TRUB1: variants seen among roughly 807,000 people sequenced by gnomAD.
TRUB1 encodes pseudouridylate synthase TRUB1.
A neutral mutation model predicts 33.9 loss-of-function variants in TRUB1; 23 were observed. The ratio of observed to expected loss-of-function variants is 0.68; its 90% CI spans 0.49 to 0.96. The LOEUF (loss-of-function observed/expected upper bound fraction) is 0.96. Among genes scored for constraint, TRUB1 ranks in the 40% least tolerant of loss-of-function variants. The pLI, the probability that TRUB1 is intolerant of heterozygous loss-of-function variation, is 0.00. For synonymous variants in TRUB1, 163 were observed against 165.4 expected, an observed-to-expected ratio of 0.99 and a Z score of 0.11; for missense variants, 378 against 422.2, an observed-to-expected ratio of 0.90 and a Z score of 0.92.
chr10:114,963,542 A>G (rs1268688831), intron 4 of TRUB1, among the ~76,000 whole-genome samples: 2 of 152,378 alleles, frequency 1.3e-5, no homozygotes, highest in South Asian at 2.1e-4. Context: ...GTAGCTAGCT[A>G]TCACCCTTAG....
intron 2 of TRUB1, among the ~76,000 whole-genome samples, chr10:114,945,738 C>T (rs553280047): frequency 2.0e-5 from 3 of 152,214 alleles, no homozygotes; most frequent in Admixed American, 2.0e-4. Flanking sequence ...TGGCCCAAGA[C>T]AATTCTTCTT....
At position 114,975,627 on chromosome 10, in the gene TRUB1, A is replaced by C. The variant is rs2084357272; in HGVS notation, c.*248A>C. 1 of 300,416 alleles carries C rather than the reference A, an allele frequency of 3.3e-6. No individual in the cohort carries two copies. Among genetic ancestry groups the C allele is most frequent in the Non-Finnish European group, 6.1e-6 (1 of 163,326 alleles). The allele number at this position is 300,416 out of a possible 1,614,324, so 18.6% of individuals were successfully genotyped here. ...GGATTTTTTGTATTGTGAAAATATG[A>C]ATATGATTGGATTCAGAAAAATTAA... On this transcript the variant is annotated 3_prime_UTR_variant, in exon 8 of 8. Coordinates refer to ENST00000298746, the MANE Select transcript of TRUB1 (RefSeq NM_139169.5).
chr10:114,943,956 A>C (rs2084200423), intron 2 of TRUB1, among the ~76,000 whole-genome samples: 1 of 150,382 alleles, frequency 6.6e-6, no homozygotes, highest in East Asian at 2.0e-4. Flanking sequence ...AATTGGTAGA[A>C]TTGATCGAAG....
At position 114,959,736 on chromosome 10, in the gene TRUB1, C is replaced by A; in HGVS notation, c.452C>A (p.Ala151Asp). ...SMLSGSKRYTAIGELGKATDT... is the reference protein window; with the variant it reads ...SMLSGSKRYTDIGELGKATDT... Reference sequence around the variant, plus strand: ...TTTCCCTTCCTCTAGAGATATACTGCCATTGGAGAACTGGGGAAAGCTACT... The same window carrying A: ...TTTCCCTTCCTCTAGAGATATACTGACATTGGAGAACTGGGGAAAGCTACT... Residue 151 changes from alanine (A) to aspartate (D), a missense_variant, in exon 4 of 8, where the codon GCC becomes GAC. Transcript: ENST00000298746. 1 of 1,606,234 alleles carries A rather than the reference C, an allele frequency of 6.2e-7. No homozygotes were observed. The highest frequency in any genetic ancestry group is 8.5e-7 in the Non-Finnish European group (1 of 1,173,006).
intron 2 of TRUB1, among the ~76,000 whole-genome samples, chr10:114,949,235 C>T (rs1474120322): frequency 6.6e-6 from 1 of 152,146 alleles, no homozygotes; most frequent in Non-Finnish European, 1.5e-5. Flanking sequence ...AAGTATTCCT[C>T]TTGGGATTAT....
In TRUB1 at chr10:114,976,235, T is replaced by TTA. The variant is rs10674304; in HGVS notation, c.*857_*858insAT. 0.46 allele frequency: 70,250 copies of TTA among 152,034 alleles called. 19,077 individuals are homozygous for TTA. The highest frequency in any genetic ancestry group is 0.75 in the African/African-American group (31,217 of 41,396). 9.4% of individuals were successfully genotyped at this position (152,034 alleles called of 1,614,324 possible). A position where few individuals can be genotyped will look rare whatever the true frequency, so the allele number is the denominator to read the frequency against. Reference sequence around the variant, plus strand: ...TTTATTTATATTTCTCTGTAGGGTGTTCCCTGTGACATTGTCTCTTTAGTT... The same window carrying TTA: ...TTTATTTATATTTCTCTGTAGGGTGTTATCCCTGTGACATTGTCTCTTTAGTT... On this transcript the variant is annotated 3_prime_UTR_variant, in exon 8 of 8. Coordinates refer to ENST00000298746, the MANE Select transcript of TRUB1 (RefSeq NM_139169.5).
intron 3 of TRUB1, among the ~76,000 whole-genome samples, chr10:114,953,356 G>A (rs2084245734): frequency 6.6e-6 from 1 of 152,102 alleles, no homozygotes; most frequent in Non-Finnish European, 1.5e-5. Flanking sequence ...TGTCTTGTTA[G>A]CTATTTATAT....
rs777701287 is a variant in TRUB1, at chr10:114,938,219, A to C, written c.-35A>C. 2 of 1,604,874 alleles carry C rather than the reference A, an allele frequency of 1.2e-6. No individual in the cohort carries two copies. Among genetic ancestry groups the C allele is most frequent in the South Asian group, 1.1e-5 (1 of 89,670 alleles). On this transcript the variant is annotated 5_prime_UTR_variant, in exon 1 of 8. Transcript: ENST00000298746. The stretch of plus-strand genomic sequence containing the variant: ...CACTCTTGTTGCATCATCAGCGTGC[A>C]CCTCCACGATGAAACAGGTCTGGGC...
intron 2 of TRUB1, among the ~76,000 whole-genome samples, chr10:114,949,152 T>A (rs1279054770): frequency 6.6e-6 from 1 of 152,272 alleles, no homozygotes; most frequent in East Asian, 1.9e-4. Context: ...TTCTGTATTT[T>A]ATTTTCCTGA....
intron 2 of TRUB1, among the ~76,000 whole-genome samples, chr10:114,950,608 TTTG>T (rs1564698336): frequency 6.6e-6 from 1 of 152,234 alleles, no homozygotes; most frequent in Admixed American, 6.5e-5. Context: ...GTTAGACTGA[TTTG>T]TTATGTTTCT....
rs971360500 is a variant in TRUB1, at chr10:114,975,320, T to A, written c.991T>A (p.Cys331Ser). ...TGAGTCTAATGAACAGGTTTTGAGCTGTGAATATATAACTCTAAATGAGCC... is the reference window on the plus strand; with the variant it reads ...TGAGTCTAATGAACAGGTTTTGAGCAGTGAATATATAACTCTAAATGAGCC... ...KPESNEQVLS[C>S]EYITLNEPKR... Residue 331 changes from cysteine (C) to serine (S), a missense_variant, in exon 8 of 8, where the codon TGT (cysteine) becomes AGT (serine). Transcript: ENST00000298746. The A allele has an allele frequency of 1.2e-6, 2 of 1,612,222 alleles. No homozygotes were observed. Among genetic ancestry groups the A allele is most frequent in the African/African-American group, 2.7e-5 (2 of 74,852 alleles).
At chr10:114,944,444 A>T (rs2084202790) in intron 2 of TRUB1, among the ~76,000 whole-genome samples, 1 of 152,204 alleles carries the variant, frequency 6.6e-6, no homozygotes, top group Non-Finnish European at 1.5e-5. Flanking sequence ...GTTAAAATAG[A>T]AAAAATCAGT....
At chr10:114,944,549 C>T (rs2084203346) in intron 2 of TRUB1, among the ~76,000 whole-genome samples, 2 of 152,214 alleles carry the variant, frequency 1.3e-5, no homozygotes, top group South Asian at 4.1e-4. Context: ...ATGCCAGCTA[C>T]TCGGGAGGCT....
chr10:114,975,086 A>C, intron 7 of TRUB1, 37 bp from the exon 8 acceptor site: 2 of 1,579,562 alleles, frequency 1.3e-6, no homozygotes. Context: ...TGAATCGTTT[A>C]TCTTCTGGAT....
intron 4 of TRUB1, 83 bp downstream of exon 4, chr10:114,959,890 G>C: frequency 1.3e-6 from 1 of 771,650 alleles, no homozygotes. Flanking sequence ...ACAAATCTCT[G>C]ATATTATCAG....
intron 4 of TRUB1, chr10:114,960,090 T>C (rs564738348): frequency 7.2e-4 from 231 of 318,632 alleles, no homozygotes; most frequent in Non-Finnish European, 1.2e-3. Context: ...GGCTAGGATT[T>C]AGGTTATTTT....
intron 6 of TRUB1, among the ~76,000 whole-genome samples, chr10:114,973,948 C>T (rs549522162): frequency 6.6e-6 from 1 of 152,186 alleles, no homozygotes; most frequent in African/African-American, 2.4e-5. Flanking sequence ...CCATTTCTAA[C>T]CATTTACAAC....
chr10:114,970,433 C>A lies in TRUB1; in HGVS notation c.589C>A (p.Pro197Thr). ...ATTTACTGGAAATATAATGCAAGTGCCCCCCCTGTAAGTTCAATTAGTAAA... is the reference window on the plus strand; with the variant it reads ...ATTTACTGGAAATATAATGCAAGTGACCCCCCTGTAAGTTCAATTAGTAAA... Reference protein sequence around the residue: ...QKFTGNIMQVPPLYSALKKDG... With the variant: ...QKFTGNIMQVTPLYSALKKDG... Residue 197 changes from proline to threonine, a missense_variant, in exon 5 of 8, where the codon CCC becomes ACC. Physicochemically the swap from Pro to Thr is conservative, Grantham distance 38. Coordinates refer to ENST00000298746, the MANE Select transcript of TRUB1 (RefSeq NM_139169.5). 3 of 1,603,586 alleles carry A rather than the reference C, an allele frequency of 1.9e-6. No individual in the cohort carries two copies. Among genetic ancestry groups the A allele is most frequent in the Non-Finnish European group, 2.6e-6 (3 of 1,171,468 alleles).
chr10:114,967,820 A>T (rs1592053823), intron 4 of TRUB1, among the ~76,000 whole-genome samples: 1 of 152,204 alleles, frequency 6.6e-6, no homozygotes, highest in African/African-American at 2.4e-5. Context: ...AGATATAGCC[A>T]GTTTGTACTA....
Sources: allele counts gnomAD v4.1 joint callset (sites outside exome capture counted in the v4.1 genomes callset), GRCh38; gene constraint gnomAD v4.1.1; transcripts MANE v1.5; gene names NCBI Gene and HGNC (gene_info 2026-07-23, HGNC 2026-07-21).